The following CFAP58 variants were observed in gnomAD, a reference collection of about 807,000 sequenced individuals.
CFAP58 encodes the protein cilia- and flagella-associated protein 58.
A neutral mutation model predicts 119.5 loss-of-function variants in CFAP58; 88 were observed. The observed-to-expected ratio is 0.74, with a 90% CI of 0.62 to 0.88. The LOEUF (loss-of-function observed/expected upper bound fraction) is 0.88. Among genes scored for constraint, CFAP58 ranks in the 40% least tolerant of loss-of-function variants. The probability of loss-of-function intolerance (pLI) is 0.00; values close to 1 mark genes in which losing one functional copy is unlikely to be tolerated. For synonymous variants in CFAP58, 365 were observed against 366.3 expected, an observed-to-expected ratio of 1.00 and a Z score of 0.04; for missense variants, 990 against 1,021.2, an observed-to-expected ratio of 0.97 and a Z score of 0.42.
rs548310457 is a variant in CFAP58, at chr10:104,446,778, T to G, written c.2257-920T>G. Among the ~76,000 whole-genome samples, 4 of 152,348 alleles carry G rather than the reference T, an allele frequency of 2.6e-5. No homozygotes were observed. In the South Asian group the frequency reaches 8.3e-4, roughly 32 times the overall value. On this transcript the variant is annotated intron_variant, in intron 15 of 17. Transcript: ENST00000369704. ...TTAGAAATAAATCTTTGCTTATATG[T>G]AATTTCTTTAGTTCAAGGGTCGGAA...
chr10:104,425,027 C>T (rs2012720822), intron 15 of CFAP58, among the ~76,000 whole-genome samples: 1 of 152,180 alleles, frequency 6.6e-6, no homozygotes, highest in South Asian at 2.1e-4. Context: ...CTCAAAGCCC[C>T]AGTGACTCCA....
At chr10:104,375,216 G>T (rs1167898995) in intron 7 of CFAP58, among the ~76,000 whole-genome samples, 1 of 150,278 alleles carries the variant, frequency 6.7e-6, no homozygotes. Context: ...CTTTTGGGGT[G>T]TATGTGTATT....
At chr10:104,380,938 C>T (rs911948663) in intron 9 of CFAP58, among the ~76,000 whole-genome samples, 7 of 152,044 alleles carry the variant, frequency 4.6e-5, no homozygotes, top group Non-Finnish European at 7.4e-5. Context: ...TAGCTTGAGG[C>T]CAGGAGTTTG....
intron 15 of CFAP58, among the ~76,000 whole-genome samples, chr10:104,441,055 T>A (rs1010319766): frequency 2.0e-5 from 3 of 152,214 alleles, no homozygotes; most frequent in Non-Finnish European, 4.4e-5. Context: ...CAGGCTGGAG[T>A]GCAGTGGAGC....
In CFAP58 at chr10:104,357,929, A is replaced by ATATG. The variant is rs1564875985; in HGVS notation, c.10-410_10-409insTGTA. On this transcript the variant is annotated intron_variant, in intron 1 of 17. Transcript: ENST00000369704. ...CATATACACACATATATGTACACAT[A>ATATG]TACACACATATATGTACACATATAT... is the stretch of plus-strand genomic sequence containing the variant. 2.3e-4 allele frequency among the ~76,000 whole-genome samples: 27 copies of ATATG among 119,542 alleles called. 3 individuals carry two copies. Among genetic ancestry groups the ATATG allele is most frequent in the East Asian group, 1.2e-3 (5 of 4,336 alleles). 78.4% of individuals were successfully genotyped at this position (119,542 alleles called of 152,430 possible).
intron 15 of CFAP58, among the ~76,000 whole-genome samples, chr10:104,407,317 C>T (rs1407185161): frequency 6.6e-6 from 1 of 151,920 alleles, no homozygotes; most frequent in Non-Finnish European, 1.5e-5. Context: ...TCACTGCCAT[C>T]ATCATCATCA....
chr10:104,391,250 A>G (rs1261070835), intron 9 of CFAP58, among the ~76,000 whole-genome samples: 1 of 152,162 alleles, frequency 6.6e-6, no homozygotes, highest in African/African-American at 2.4e-5. Flanking sequence ...ACTTCCTCAG[A>G]GATGTGGGCC....
At chr10:104,404,611 G>C (rs2012325275) in intron 14 of CFAP58, among the ~76,000 whole-genome samples, 1 of 151,700 alleles carries the variant, frequency 6.6e-6, no homozygotes, top group Non-Finnish European at 1.5e-5. Context: ...TTTTGTTTTT[G>C]TTTTTCTTTT....
chr10:104,371,121 C>A, intron 7 of CFAP58, 67 bp downstream of exon 7: 1 of 1,452,128 alleles, frequency 6.9e-7, no homozygotes, highest in Non-Finnish European at 9.3e-7. Flanking sequence ...TCTTGTAACC[C>A]AGGGCTCCAT....
intron 6 of CFAP58, among the ~76,000 whole-genome samples, chr10:104,368,933 T>G (rs2014787764): frequency 6.6e-6 from 1 of 152,158 alleles, no homozygotes; most frequent in Non-Finnish European, 1.5e-5. Context: ...TGGGATGGAA[T>G]GGCTGGGAGA....
chr10:104,437,825 CA>C (rs1386013417), intron 15 of CFAP58, among the ~76,000 whole-genome samples: 10 of 151,912 alleles, frequency 6.6e-5, no homozygotes, highest in South Asian at 2.1e-4. Flanking sequence ...AAATAAAATA[CA>C]AAAAACATTA....
intron 9 of CFAP58, among the ~76,000 whole-genome samples, chr10:104,381,150 AAAAC>A (rs112632567): frequency 0.03 from 4,596 of 152,132 alleles, 217 homozygotes; most frequent in African/African-American, 0.1. Context: ...ATCCTGTCTC[AAAAC>A]AAACAAACAA....
At chr10:104,384,266 A>G (rs1410092067) in intron 9 of CFAP58, among the ~76,000 whole-genome samples, 1 of 152,236 alleles carries the variant, frequency 6.6e-6, no homozygotes, top group Non-Finnish European at 1.5e-5. Context: ...CTCCTCCAAT[A>G]TCACTAAAGA....
chr10:104,451,758 CAG>C (rs766939255), intron 17 of CFAP58, among the ~76,000 whole-genome samples: 1 of 152,168 alleles, frequency 6.6e-6, no homozygotes, highest in Non-Finnish European at 1.5e-5. Context: ...TTTTTTGAGA[CAG>C]AGTCTTACTG....
At chr10:104,355,404 CTAT>C (rs1438206439) in intron 1 of CFAP58, among the ~76,000 whole-genome samples, 1 of 152,222 alleles carries the variant, frequency 6.6e-6, no homozygotes, top group Non-Finnish European at 1.5e-5. Context: ...AGCTGCTCCA[CTAT>C]TATGGATTAG....
chr10:104,374,187 T>G (rs991969017), intron 7 of CFAP58, among the ~76,000 whole-genome samples: 1 of 150,958 alleles, frequency 6.6e-6, no homozygotes, highest in African/African-American at 2.4e-5. Flanking sequence ...AGGTCGGGAG[T>G]GGTGGCTCAC....
At chr10:104,389,201 C>T (rs2011985310) in intron 9 of CFAP58, among the ~76,000 whole-genome samples, 1 of 152,162 alleles carries the variant, frequency 6.6e-6, no homozygotes, top group Non-Finnish European at 1.5e-5. Context: ...CTTAGAAATA[C>T]ATTGCTTGTA....
At chr10:104,346,248 C>A in the CFAP58 span, among the ~76,000 whole-genome samples, 1 of 152,052 alleles carries the variant, frequency 6.6e-6, no homozygotes, top group Non-Finnish European at 1.5e-5. Context: ...GGATCTACCC[C>A]CCATGACCCG....
At chr10:104,450,252 C>T (rs1324731833) in intron 17 of CFAP58, 48 bp downstream of exon 17, 5 of 1,589,224 alleles carry the variant, frequency 3.1e-6, no homozygotes, top group Non-Finnish European at 4.3e-6. Context: ...ATTATCTGCA[C>T]ATAAGAAAAT....
Sources: allele counts gnomAD v4.1 joint callset (sites outside exome capture counted in the v4.1 genomes callset), GRCh38; gene constraint gnomAD v4.1.1; transcripts MANE v1.5; gene names NCBI Gene and HGNC (gene_info 2026-07-23, HGNC 2026-07-21).